Variants in NUMA1 observed in about 807,000 individuals in gnomAD.
NUMA1 encodes nuclear mitotic apparatus protein 1, also known as SP-H antigen.
Under a neutral mutation model 237.1 loss-of-function variants are expected in NUMA1, and 62 were observed. The observed-to-expected ratio is 0.26, with a 90% CI of 0.21 to 0.32. The LOEUF is 0.32. Among genes scored for constraint, NUMA1 ranks in the 10% least tolerant of loss-of-function variants. The pLI, the probability that NUMA1 is intolerant of heterozygous loss-of-function variation, is 1.00. For missense variants in NUMA1, 2,533 were observed against 2,666.5 expected (o/e 0.95, Z 1.10); for synonymous variants, 1,028 against 1,066.1 (o/e 0.96, Z 0.70).
intron 2 of NUMA1, among the ~76,000 whole-genome samples, chr11:72,039,003 A>G (rs1248211290): frequency 6.6e-6 from 1 of 152,192 alleles, no homozygotes; most frequent in African/African-American, 2.4e-5. Flanking sequence ...AAGGCCCTGC[A>G]TCCTTTTTAC....
chr11:72,007,111 A>C (rs1955772656), intron 21 of NUMA1, 78 bp downstream of exon 21: 5 of 1,542,538 alleles, frequency 3.2e-6, no homozygotes, highest in Non-Finnish European at 4.4e-6. Flanking sequence ...CCTGCTCCTG[A>C]CTGAGTGCCC....
chr11:72,020,936 G>A (rs1377537047), intron 8 of NUMA1: 2 of 372,046 alleles, frequency 5.4e-6, no homozygotes, highest in African/African-American at 4.2e-5. Context: ...AGTAATGATT[G>A]TTTAAAAAAT....
intron 10 of NUMA1, 75 bp from the exon 11 acceptor site, chr11:72,018,588 G>T: frequency 7.6e-7 from 1 of 1,321,446 alleles, no homozygotes; most frequent in Non-Finnish European, 1.1e-6. Flanking sequence ...ACAGAACTAT[G>T]TGCACAAGGG....
chr11:72,038,792 C>G (rs191700747), intron 2 of NUMA1, among the ~76,000 whole-genome samples: 381 of 152,150 alleles, frequency 2.5e-3, no homozygotes, highest in African/African-American at 5.7e-3. Context: ...CCGTCCCCCC[C>G]ACAACCCTCA....
rs778048450 is a variant in NUMA1, at chr11:72,006,278, G to C, written c.5464-15C>G. The C allele has an allele frequency of 2.5e-6, 4 of 1,608,594 alleles. No homozygotes were observed. The highest frequency in any genetic ancestry group is 1.3e-5 in the African/African-American group (1 of 74,814). On this transcript the variant is annotated splice_polypyrimidine_tract_variant and intron_variant, in intron 21 of 26. Transcript: ENST00000393695. ...ACATCTAGCTTCTGGAAGACAGAGT[G>C]AATCTGTTGCAGTGTACAGTCCCTG...
intron 2 of NUMA1, chr11:72,041,271 G>A (rs1286560220): frequency 6.6e-6 from 1 of 152,332 alleles, no homozygotes; most frequent in African/African-American, 2.4e-5. Flanking sequence ...GGCTGCAAAG[G>A]GGAAGGCTGG....
Position 72,013,541 on chromosome 11 carries a change from C to T in NUMA1, c.3962G>A (p.Arg1321His), listed in dbSNP as rs1307647130. 4 of 1,613,550 alleles carry T rather than the reference C, an allele frequency of 2.5e-6. No individual in the cohort carries two copies. Among genetic ancestry groups the T allele is most frequent in the South Asian group, 1.1e-5 (1 of 91,088 alleles). ...CAATTCTTGGCCCAGCTCCTCCGCA[C>T]GCTCAGCCTGTGAGGTCAGCTCCTG... ...LRQELTSQAE[R>H]AEELGQELKA... The change falls in exon 15 of 27, where the codon CGT (arginine) becomes CAT (histidine). Residue 1321 changes from arginine (R) to histidine (H), a missense_variant. This residue lies in a region of NUMA1 where 324 missense variants were observed against 407.6 expected (regional missense o/e 0.79). Coordinates refer to ENST00000393695, the MANE Select transcript of NUMA1 (RefSeq NM_006185.4). The surrounding 1 kb of genome is among the most constrained non-coding windows in gnomAD (Gnocchi z 6.8).
chr11:72,016,693 G>C, intron 13 of NUMA1, 163 bp from the exon 14 acceptor site: 1 of 781,528 alleles, frequency 1.3e-6, no homozygotes, highest in Non-Finnish European at 2.0e-6. Flanking sequence ...CTGGGAGCAT[G>C]AGGGACCTGA....
intron 1 of NUMA1, chr11:72,070,142 C>T (rs987481038): frequency 1.3e-5 from 2 of 152,208 alleles, no homozygotes; most frequent in Non-Finnish European, 2.9e-5. Flanking sequence ...GCCACACCCA[C>T]ACTTGGTCAG....
Position 72,010,796 on chromosome 11 carries a change from T to C in NUMA1, c.4709A>G (p.Gln1570Arg), listed in dbSNP as rs1183785809. 1 of 1,613,624 alleles carries C rather than the reference T, an allele frequency of 6.2e-7. No homozygotes were observed. The highest frequency in any genetic ancestry group is 8.5e-7 in the Non-Finnish European group (1 of 1,179,932). The change falls in exon 17 of 27, where the codon CAG (glutamine) becomes CGG (arginine). Residue 1570 changes from glutamine (Q) to arginine (R), a missense_variant. This residue lies in a region of NUMA1 where 795 missense variants were observed against 750.8 expected (regional missense o/e 1.06). Coordinates refer to ENST00000393695, the MANE Select transcript of NUMA1 (RefSeq NM_006185.4). Reference sequence around the variant, plus strand: ...CCCCAGCTGCCCCACCTTCAGCTTCTGCTGCTGCACCTTGCTGGCTTGGTC... The same window carrying C: ...CCCCAGCTGCCCCACCTTCAGCTTCCGCTGCTGCACCTTGCTGGCTTGGTC... ...DSDQASKVQQ[Q>R]KLKAVQAQGG...
intron 13 of NUMA1, chr11:72,016,753 T>C (rs893414987): frequency 5.3e-5 from 29 of 548,534 alleles, no homozygotes; most frequent in Admixed American, 1.4e-4. Context: ...GTAACCTGCT[T>C]ACTACTTCCC....
intron 2 of NUMA1, among the ~76,000 whole-genome samples, chr11:72,044,038 AAT>A (rs1941852706): frequency 6.6e-6 from 1 of 152,228 alleles, no homozygotes; most frequent in Non-Finnish European, 1.5e-5. Context: ...CTACTGACCT[AAT>A]ATGTACGAAC....
chr11:72,030,814 G>A (rs1474902961), intron 3 of NUMA1, among the ~76,000 whole-genome samples: 1 of 152,142 alleles, frequency 6.6e-6, no homozygotes, highest in Non-Finnish European at 1.5e-5. Context: ...TTTGGGCTGG[G>A]AGCCAGTACA....
At chr11:72,061,427 T>C (rs928404820) in intron 2 of NUMA1, among the ~76,000 whole-genome samples, 2 of 151,926 alleles carry the variant, frequency 1.3e-5, no homozygotes, top group Admixed American at 6.6e-5. Flanking sequence ...TCTTTACTTA[T>C]GGGTTGCAAC....
rs199835367 is a variant in NUMA1, at chr11:72,009,005, G to C, written c.5020C>G (p.Arg1674Gly). 2 of 1,613,872 alleles carry C rather than the reference G, an allele frequency of 1.2e-6. No homozygotes were observed. Among genetic ancestry groups the C allele is most frequent in the Admixed American group, 3.3e-5 (2 of 60,028 alleles). ...LKTKEAEQTC[R>G]HLTAQVRSLE... ...CTGCGCACCTGGGCAGTAAGGTGGC[G>C]GCAGGTCTGTTCAGCCTCCTTGGTC... Residue 1674 changes from arginine (R) to glycine (G), a missense_variant, in exon 19 of 27, where the codon CGC becomes GGC. Transcript: ENST00000393695.
Position 72,016,028 on chromosome 11 carries a change from T to C in NUMA1, c.1475A>G (p.His492Arg), listed in dbSNP as rs775867983. The stretch of plus-strand genomic sequence containing the variant: ...CACCTGGGCAGTCAACCGGGCCCCA[T>C]GAGCCTGGGAGGCCTGCTCCAGCTC... ...KEELEQASQAHGARLTAQVAS... is the reference protein window; with the variant it reads ...KEELEQASQARGARLTAQVAS... The change falls in exon 15 of 27, where the codon CAT (histidine) becomes CGT (arginine). Residue 492 changes from histidine (H) to arginine (R), a missense_variant. This residue lies in a region of NUMA1 where 1,414 missense variants were observed against 1,508.1 expected (regional missense o/e 0.94). Coordinates refer to ENST00000393695, the MANE Select transcript of NUMA1 (RefSeq NM_006185.4). 6.2e-7 allele frequency: 1 copy of C among 1,613,984 alleles called. No individual in the cohort carries two copies. The highest frequency in any genetic ancestry group is 8.5e-7 in the Non-Finnish European group (1 of 1,179,990).
rs370795965 is a variant in NUMA1, at chr11:72,003,970, G to A, written c.6253C>T (p.Arg2085Cys). ...KASPNTRSGT[R>C]RSPRIATTTA... ...GTGGTGGCAATGCGCGGAGAACGGC[G>A]GGTTCCACTGCGAGTGTTGGGGGAA... Residue 2085 changes from arginine (R) to cysteine (C), a missense_variant, in exon 26 of 27, where the codon CGC (arginine) becomes TGC (cysteine). Arg to Cys is a radical substitution (Grantham distance 180). Transcript: ENST00000393695. 37 of 1,613,170 alleles carry A rather than the reference G, an allele frequency of 2.3e-5. No homozygotes were observed. Among genetic ancestry groups the A allele is most frequent in the African/African-American group, 4.0e-5 (3 of 74,906 alleles).
rs749196138 is a variant in NUMA1, at chr11:72,015,336, G to T, written c.2167C>A (p.Arg723Ser). Reference sequence around the variant, plus strand: ...TCTTCCAGGGCATCTGCAGCCCTGCGCTTCTCCTCTTCAAGGCTGCCCTTG... The same window carrying T: ...TCTTCCAGGGCATCTGCAGCCCTGCTCTTCTCCTCTTCAAGGCTGCCCTTG... Reference protein sequence around the residue: ...VTKGSLEEEKRRAADALEEQQ... With the variant: ...VTKGSLEEEKSRAADALEEQQ... Residue 723 changes from arginine to serine, a missense_variant, in exon 15 of 27, where the codon CGC becomes AGC. Physicochemically the swap from Arg to Ser is moderately radical, Grantham distance 110. Coordinates refer to ENST00000393695, the MANE Select transcript of NUMA1 (RefSeq NM_006185.4). The surrounding 1 kb of genome is among the most constrained non-coding windows in gnomAD (Gnocchi z 4.0). 3.1e-6 allele frequency: 5 copies of T among 1,613,310 alleles called. No individual in the cohort carries two copies. The South Asian group carries it at 4.4e-5, about 14-fold the overall frequency.
rs1407415962 is a variant in NUMA1 at position 72,006,268 on chromosome 11, A to AAG, written c.5464-7_5464-6dup. The AAG allele has an allele frequency of 1.9e-6, 3 of 1,613,260 alleles. No homozygotes were observed. Among genetic ancestry groups the AAG allele is most frequent in the Non-Finnish European group, 2.5e-6 (3 of 1,179,432 alleles). ...TGGCTCTTCCACATCTAGCTTCTGGAAGACAGAGTGAATCTGTTGCAGTGT... is the reference window on the plus strand; with the variant it reads ...TGGCTCTTCCACATCTAGCTTCTGGAAGAGACAGAGTGAATCTGTTGCAGTGT... On this transcript the variant is annotated splice_polypyrimidine_tract_variant and splice_region_variant and intron_variant, in intron 21 of 26. Transcript: ENST00000393695.
Sources: allele counts gnomAD v4.1 joint callset (sites outside exome capture counted in the v4.1 genomes callset), GRCh38; gene constraint gnomAD v4.1.1; regional missense constraint gnomAD v4.1.1; non-coding constraint Gnocchi (gnomAD v3.1); transcripts MANE v1.5; gene names NCBI Gene and HGNC (gene_info 2026-07-23, HGNC 2026-07-21).